LRBA: variants seen among roughly 807,000 people sequenced by gnomAD.
LRBA encodes lipopolysaccharide-responsive and beige-like anchor protein.
A neutral mutation model predicts 330.0 loss-of-function variants in LRBA; 176 were observed. That is an observed-to-expected ratio of 0.53 (90% confidence interval 0.47 to 0.60). The LOEUF (loss-of-function observed/expected upper bound fraction) is 0.60, where lower values mean the gene tolerates loss of function less well. Ranked by LOEUF, LRBA falls within the 20% of genes least tolerant of loss-of-function variation. The probability of loss-of-function intolerance (pLI) is 0.00; values close to 1 mark genes in which losing one functional copy is unlikely to be tolerated. For synonymous variants in LRBA, 1,230 were observed against 1,193.0 expected, an observed-to-expected ratio of 1.03 and a Z score of -0.64; for missense variants, 3,259 against 3,444.8, an observed-to-expected ratio of 0.95 and a Z score of 1.35.
At chr4:150,945,898 C>G (rs2149534224) in intron 2 of LRBA, among the ~76,000 whole-genome samples, 1 of 152,000 alleles carries the variant, frequency 6.6e-6, no homozygotes, top group South Asian at 2.1e-4. Flanking sequence ...CTCCCAGGTT[C>G]AAGCGATTCT....
chr4:150,968,235 C>T (rs985803945), intron 2 of LRBA, among the ~76,000 whole-genome samples: 6 of 152,058 alleles, frequency 3.9e-5, no homozygotes, highest in African/African-American at 9.7e-5. Flanking sequence ...AACTCCTGAC[C>T]TCAAGTGATC....
Position 150,928,904 on chromosome 4 carries a change from T to C in LRBA, c.378A>G (p.Gln126=). ...CAACAAGGCCTACTTCAGTGCAGAC[T>C]TGAAGATTCCGTATGCTTTTCTTCA... is the stretch of plus-strand genomic sequence containing the variant. ...AILKKSIRNL[Q]VCTEVGLVEK... Residue 126 remains glutamine, a synonymous_variant, in exon 3 of 57, where the codon CAA becomes CAG. Coordinates refer to ENST00000651943, the MANE Select transcript of LRBA (RefSeq NM_001364905.1). 1.9e-6 allele frequency: 3 copies of C among 1,614,162 alleles called. No individual in the cohort carries two copies. The highest frequency in any genetic ancestry group is 1.3e-5 in the African/African-American group (1 of 75,070).
chr4:150,902,118 C>A (rs1730796756), intron 13 of LRBA, among the ~76,000 whole-genome samples: 1 of 151,940 alleles, frequency 6.6e-6, no homozygotes, highest in Non-Finnish European at 1.5e-5. Flanking sequence ...AATTGAGTGA[C>A]ATAGAGCTAT....
intron 17 of LRBA, among the ~76,000 whole-genome samples, chr4:150,877,110 T>G (rs1406038627): frequency 6.6e-6 from 1 of 151,640 alleles, no homozygotes; most frequent in Non-Finnish European, 1.5e-5. Context: ...AAAAAAAAAT[T>G]AGCCAACCAT....
At chr4:150,473,715 A>C (rs999043219) in intron 42 of LRBA, among the ~76,000 whole-genome samples, 3 of 152,132 alleles carry the variant, frequency 2.0e-5, no homozygotes, top group African/African-American at 7.2e-5. Context: ...TTAGGATTGA[A>C]TTACACCACT....
intron 31 of LRBA, 107 bp from the exon 32 acceptor site, chr4:150,808,505 T>G (rs1443074067): frequency 6.2e-6 from 4 of 646,912 alleles, no homozygotes; most frequent in Non-Finnish European, 1.1e-5. Context: ...ATAACGTATT[T>G]TTATGTCCAT....
intron 2 of LRBA, among the ~76,000 whole-genome samples, chr4:150,962,197 AAAT>A (rs1272593181): frequency 6.7e-6 from 1 of 149,518 alleles, no homozygotes; most frequent in Non-Finnish European, 1.5e-5. Flanking sequence ...TTTGTAGAAA[AAAT>A]AAATTGGCCC....
chr4:150,555,318 A>C (rs1004196221), intron 40 of LRBA, among the ~76,000 whole-genome samples: 2 of 152,234 alleles, frequency 1.3e-5, no homozygotes, highest in Admixed American at 6.5e-5. Context: ...GTAGACCTTA[A>C]GACTATTCTG....
intron 2 of LRBA, among the ~76,000 whole-genome samples, chr4:150,934,774 C>A (rs113241515): frequency 0.011 from 1,684 of 151,926 alleles, 28 homozygotes; most frequent in Non-Finnish European, 0.013. Flanking sequence ...TTTGGGAGGC[C>A]GAGGCGGGCA....
intron 22 of LRBA, among the ~76,000 whole-genome samples, chr4:150,862,774 C>T (rs988747848): frequency 7.3e-5 from 11 of 151,504 alleles, no homozygotes; most frequent in African/African-American, 1.2e-4. Context: ...CTCCGGAATT[C>T]AAGACTAGCC....
chr4:150,943,808 C>G lies in LRBA; in HGVS notation c.217-14743G>C, dbSNP rs1735933716. Reference sequence around the variant, plus strand: ...ACCAGTCAGTCCAAAAGTCAAGCAACATAGATATCCTCCCACATTTGGCTG... The same window carrying G: ...ACCAGTCAGTCCAAAAGTCAAGCAAGATAGATATCCTCCCACATTTGGCTG... On this transcript the variant is annotated intron_variant, in intron 2 of 56. Coordinates refer to ENST00000651943, the MANE Select transcript of LRBA (RefSeq NM_001364905.1). 4.6e-5 allele frequency among the ~76,000 whole-genome samples: 7 copies of G among 152,306 alleles called. No homozygotes were observed. The South Asian group carries it at 1.5e-3, about 32-fold the overall frequency.
intron 41 of LRBA, among the ~76,000 whole-genome samples, chr4:150,489,211 T>TA (rs1758397053): frequency 9.2e-6 from 1 of 109,096 alleles, no homozygotes; most frequent in South Asian, 2.6e-4. Context: ...ATATATTATA[T>TA]ATACGAATAT....
chr4:150,553,574 C>A (rs542730576), intron 40 of LRBA, among the ~76,000 whole-genome samples: 111 of 152,136 alleles, frequency 7.3e-4, no homozygotes, highest in Non-Finnish European at 1.2e-3. Flanking sequence ...AGACAGAATA[C>A]AAAAATACAA....
rs1745253459 is a variant in LRBA at position 150,265,918 on chromosome 4, T to TG, written c.8469-107dup. ...ACAAGGTAAATATAGAAGCTGGCAGTGAAGGCTCCAATTTGTGGGAACTAA... is the reference window on the plus strand; with the variant it reads ...ACAAGGTAAATATAGAAGCTGGCAGTGGAAGGCTCCAATTTGTGGGAACTAA... On this transcript the variant is annotated intron_variant, in intron 56 of 56. Transcript: ENST00000651943. The TG allele has an allele frequency of 4.2e-6, 3 of 713,912 alleles. No individual in the cohort carries two copies. In the East Asian group the frequency reaches 7.9e-5, roughly 19 times the overall value. 44.2% of individuals were successfully genotyped at this position (713,912 alleles called of 1,614,324 possible). A position where few individuals can be genotyped will look rare whatever the true frequency, so the allele number is the denominator to read the frequency against.
intron 37 of LRBA, among the ~76,000 whole-genome samples, chr4:150,611,686 C>T (rs182216281): frequency 9.7e-4 from 147 of 152,248 alleles, no homozygotes; most frequent in Non-Finnish European, 1.4e-3. Context: ...AAGGCTCTAT[C>T]GCTTTTCAAT....
At chr4:150,896,875 A>C (rs2127117211) in intron 15 of LRBA, among the ~76,000 whole-genome samples, 1 of 152,070 alleles carries the variant, frequency 6.6e-6, no homozygotes, top group Middle Eastern at 3.4e-3. Flanking sequence ...AAGTACCTAA[A>C]AATTAAATAG....
intron 54 of LRBA, among the ~76,000 whole-genome samples, chr4:150,284,939 C>A (rs889102561): frequency 1.3e-5 from 2 of 152,098 alleles, no homozygotes; most frequent in African/African-American, 2.4e-5. Context: ...TACTACTGTG[C>A]AAAGAAAAGA....
At chr4:150,663,025 T>A (rs890468586) in intron 37 of LRBA, among the ~76,000 whole-genome samples, 3 of 152,054 alleles carry the variant, frequency 2.0e-5, no homozygotes, top group Non-Finnish European at 4.4e-5. Flanking sequence ...AGGGGTTAGA[T>A]CAGTAGAAAG....
chr4:150,703,148 G>A (rs76414026), intron 36 of LRBA, among the ~76,000 whole-genome samples: 14,317 of 152,176 alleles, frequency 0.094, 902 homozygotes, highest in Non-Finnish European at 0.14. Flanking sequence ...GCGACAGTGC[G>A]AGACTTCGTC....
Sources: gnomAD v4.1 joint callset for allele counts (sites outside exome capture counted in the v4.1 genomes callset) on GRCh38, gnomAD v4.1.1 for gene constraint, MANE v1.5 for transcripts, NCBI Gene and HGNC (gene_info 2026-07-23, HGNC 2026-07-21) for gene names.